Variants in PPP1CC observed in about 807,000 individuals in gnomAD.
PPP1CC encodes the protein serine/threonine-protein phosphatase PP1-gamma catalytic subunit.
In PPP1CC, 16 loss-of-function variants were observed where a neutral mutation model predicts 38.4. The ratio of observed to expected loss-of-function variants is 0.42; its 90% CI spans 0.28 to 0.63. The LOEUF (loss-of-function observed/expected upper bound fraction) is 0.63. Among genes scored for constraint, PPP1CC ranks in the 30% least tolerant of loss-of-function variants. PPP1CC has a pLI of 0.25. For synonymous variants in PPP1CC, 158 were observed against 136.0 expected (o/e 1.16, Z -1.13); for missense variants, 170 against 391.3 (o/e 0.43, Z 4.77).
the PPP1CC span, among the ~76,000 whole-genome samples, chr12:110,711,233 T>C: frequency 6.6e-6 from 1 of 152,050 alleles, no homozygotes; most frequent in Non-Finnish European, 1.5e-5. Flanking sequence ...TTTACAGAAA[T>C]ACATATATTT....
At chr12:110,709,537 C>G in the PPP1CC span, among the ~76,000 whole-genome samples, 1 of 149,892 alleles carries the variant, frequency 6.7e-6, no homozygotes, top group African/African-American at 2.5e-5. Flanking sequence ...CAAAAAACGT[C>G]AGACCAGAAG....
intron 1 of PPP1CC, 104 bp from the exon 2 acceptor site, chr12:110,732,005 G>T: frequency 1.6e-6 from 2 of 1,287,478 alleles, no homozygotes; most frequent in Non-Finnish European, 1.1e-6. Flanking sequence ...CTTTCTGAGT[G>T]GCTTCATTTT....
rs537105959 is a variant in PPP1CC at position 110,721,452 on chromosome 12, T to C, written c.883-287A>G. On this transcript the variant is annotated intron_variant, in intron 6 of 6. Coordinates refer to ENST00000335007, the MANE Select transcript of PPP1CC (RefSeq NM_002710.4). ...TAGTATCTTTAGCTACTCCTTCTGA[T>C]ACAGGGGAAAAAGTTCTTTACAAAA... 2.5e-5 allele frequency: 6 copies of C among 236,874 alleles called. No individual in the cohort carries two copies. In the South Asian group the frequency reaches 4.4e-4, roughly 17 times the overall value. 14.7% of individuals were successfully genotyped at this position (236,874 alleles called of 1,614,324 possible). A position where few individuals can be genotyped will look rare whatever the true frequency, so the allele number is the denominator to read the frequency against.
intron 4 of PPP1CC, 36 bp downstream of exon 4, chr12:110,724,624 T>A: frequency 7.7e-7 from 1 of 1,291,372 alleles, no homozygotes; most frequent in Non-Finnish European, 1.1e-6. Context: ...TTGGAAGGGA[T>A]CAAAACCTAT....
chr12:110,732,612 C>G (rs1401365058), intron 1 of PPP1CC: 1 of 152,178 alleles, frequency 6.6e-6, no homozygotes, highest in Non-Finnish European at 1.5e-5. Context: ...TCTGGGCCTG[C>G]ATTTGTGTTT....
chr12:110,735,320 T>G (rs1013790847), intron 1 of PPP1CC, among the ~76,000 whole-genome samples: 1 of 152,186 alleles, frequency 6.6e-6, no homozygotes, highest in Non-Finnish European at 1.5e-5. Flanking sequence ...GGGCTTTATA[T>G]TGCCATTCAA....
At chr12:110,727,360 T>C (rs1593576984) in intron 3 of PPP1CC, among the ~76,000 whole-genome samples, 1 of 152,212 alleles carries the variant, frequency 6.6e-6, no homozygotes, top group Admixed American at 6.5e-5. Flanking sequence ...ACTTTAAGCG[T>C]GGGCCTGCCT....
At chr12:110,737,095 C>CA (rs2069952023) in intron 1 of PPP1CC, among the ~76,000 whole-genome samples, 1 of 152,054 alleles carries the variant, frequency 6.6e-6, no homozygotes, top group African/African-American at 2.4e-5. Flanking sequence ...CAAACCAAAA[C>CA]AAAAAACAGT....
intron 3 of PPP1CC, among the ~76,000 whole-genome samples, chr12:110,730,325 C>T (rs2069857834): frequency 6.6e-6 from 1 of 152,230 alleles, no homozygotes; most frequent in African/African-American, 2.4e-5. Flanking sequence ...TGCTACTGCA[C>T]TCCAGCCTGG....
chr12:110,710,441 G>A, the PPP1CC span, among the ~76,000 whole-genome samples: 8 of 150,032 alleles, frequency 5.3e-5, no homozygotes, highest in African/African-American at 1.5e-4. Context: ...AAATTAGGCT[G>A]GGTGCGGTGG....
At chr12:110,734,877 T>C (rs936647084) in intron 1 of PPP1CC, 10 of 150,878 alleles carry the variant, frequency 6.6e-5, no homozygotes, top group African/African-American at 2.4e-4. Context: ...TGGTGGCTGG[T>C]TACTGCGGAG....
intron 2 of PPP1CC, among the ~76,000 whole-genome samples, chr12:110,731,094 G>T (rs1350148446): frequency 1.3e-5 from 2 of 152,118 alleles, no homozygotes; most frequent in Admixed American, 1.3e-4. Context: ...ATCAATATCA[G>T]ATCTCTGACA....
At chr12:110,713,182 GAAA>G in the PPP1CC span, among the ~76,000 whole-genome samples, 49 of 151,922 alleles carry the variant, frequency 3.2e-4, no homozygotes, top group African/African-American at 1.1e-3. Flanking sequence ...GTCCAGGCTG[GAAA>G]GCAGTGGCAT....
intron 6 of PPP1CC, chr12:110,721,716 C>T (rs1161947498): frequency 9.4e-6 from 2 of 212,440 alleles, no homozygotes; most frequent in Non-Finnish European, 1.9e-5. Context: ...CAACTGAAGG[C>T]CAAATGATGT....
Position 110,737,052 on chromosome 12 carries a change from CATG to C in PPP1CC, c.56-5154_56-5152del, listed in dbSNP as rs1176718561. On this transcript the variant is annotated intron_variant, in intron 1 of 6. Transcript: ENST00000335007. ...TTCATTTCAGTGAAATCAATAGCCT[CATG>C]ATATTTGACAGATTTAGGAAAATAA... Among the ~76,000 whole-genome samples the C allele has an allele frequency of 9.2e-5, 14 of 152,290 alleles. No individual in the cohort carries two copies. In the East Asian group the frequency reaches 2.5e-3, roughly 27 times the overall value.
At chr12:110,733,265 AT>A (rs1327445202) in intron 1 of PPP1CC, among the ~76,000 whole-genome samples, 1 of 152,172 alleles carries the variant, frequency 6.6e-6, no homozygotes, top group Non-Finnish European at 1.5e-5. Context: ...AGGAAGCTTT[AT>A]TTTTGGCTAG....
downstream of PPP1CC, among the ~76,000 whole-genome samples, chr12:110,717,776 G>A (rs1453789524): frequency 1.3e-5 from 2 of 152,108 alleles, no homozygotes; most frequent in African/African-American, 4.8e-5. Flanking sequence ...TTGTTCTGAT[G>A]CAGATCCTCA....
intron 3 of PPP1CC, among the ~76,000 whole-genome samples, chr12:110,728,353 C>T (rs1248973109): frequency 2.0e-5 from 3 of 150,094 alleles, no homozygotes; most frequent in Non-Finnish European, 4.4e-5. Flanking sequence ...GAGGCGAGAT[C>T]GCGCCCTGCA....
intron 1 of PPP1CC, among the ~76,000 whole-genome samples, chr12:110,739,851 C>G (rs564648875): frequency 6.6e-6 from 1 of 152,222 alleles, no homozygotes; most frequent in Non-Finnish European, 1.5e-5. Context: ...CAGACCAAAT[C>G]AACAGCTGGC....
Sources: allele counts gnomAD v4.1 joint callset (sites outside exome capture counted in the v4.1 genomes callset), GRCh38; gene constraint gnomAD v4.1.1; transcripts MANE v1.5; gene names NCBI Gene and HGNC (gene_info 2026-07-23, HGNC 2026-07-21).